SLC7A14: variants seen among roughly 807,000 people sequenced by gnomAD.
SLC7A14 encodes the protein solute carrier family 7 member 14, also known as gamma-aminobutyric acid transporter SLC7A14.
Under a neutral mutation model 60.2 loss-of-function variants are expected in SLC7A14, and 37 were observed. The observed-to-expected ratio is 0.61, with a 90% confidence interval of 0.47 to 0.81. The LOEUF is 0.81. SLC7A14 is among the 30% of genes least tolerant of loss of function. SLC7A14 has a pLI of 0.00. For synonymous variants in SLC7A14, 399 were observed against 395.8 expected, an observed-to-expected ratio of 1.01 and a Z score of -0.10; for missense variants, 886 against 982.7, an observed-to-expected ratio of 0.90 and a Z score of 1.32.
rs144337859 is a variant in SLC7A14 at position 170,463,485 on chromosome 3, A to G, written c.*3570T>C. On this transcript the variant is annotated 3_prime_UTR_variant, in exon 8 of 8. Transcript: ENST00000231706. ...CGTCATCTCACCTGACACATTCACT[A>G]TTGTTCTTTATTTATATATCCCATT... 4.6e-5 allele frequency: 7 copies of G among 152,122 alleles called. No homozygotes were observed. The East Asian group carries it at 7.7e-4, about 17-fold the overall frequency. The allele number at this position is 152,122 out of a possible 1,614,324, so 9.4% of individuals were successfully genotyped here.
intron 2 of SLC7A14, among the ~76,000 whole-genome samples, chr3:170,520,059 TG>T (rs901401912): frequency 6.6e-6 from 1 of 152,214 alleles, no homozygotes; most frequent in Non-Finnish European, 1.5e-5. Flanking sequence ...TTTGGTGTTT[TG>T]TTGTCTGCAA....
At chr3:170,511,663 A>G (rs1013047378) in intron 2 of SLC7A14, among the ~76,000 whole-genome samples, 1 of 152,234 alleles carries the variant, frequency 6.6e-6, no homozygotes, top group Admixed American at 6.5e-5. Context: ...TGGAGTATTT[A>G]TACAGGAGCC....
At chr3:170,488,086 A>G (rs779366876) in intron 4 of SLC7A14, among the ~76,000 whole-genome samples, 4 of 152,238 alleles carry the variant, frequency 2.6e-5, no homozygotes, top group Non-Finnish European at 4.4e-5. Context: ...AAAATTAAAA[A>G]TACTTAATAC....
intron 1 of SLC7A14, among the ~76,000 whole-genome samples, chr3:170,558,081 A>G (rs564628846): frequency 2.5e-4 from 38 of 152,228 alleles, no homozygotes; most frequent in South Asian, 1.5e-3. Flanking sequence ...GTTAAAGTCA[A>G]TGGAGGCTGG....
chr3:170,570,827 T>A (rs1248351146), intron 1 of SLC7A14, among the ~76,000 whole-genome samples: 1 of 152,146 alleles, frequency 6.6e-6, no homozygotes, highest in East Asian at 1.9e-4. Context: ...TTCCCATACT[T>A]TTTTTCCAAA....
chr3:170,469,701 T>C (rs1422557785), intron 7 of SLC7A14, among the ~76,000 whole-genome samples: 1 of 152,178 alleles, frequency 6.6e-6, no homozygotes, highest in Non-Finnish European at 1.5e-5. Context: ...TTGCCATCTT[T>C]TCTTCTAGAC....
At chr3:170,572,072 A>AG (rs1167908541) in intron 1 of SLC7A14, among the ~76,000 whole-genome samples, 3 of 150,338 alleles carry the variant, frequency 2.0e-5, no homozygotes, top group African/African-American at 7.5e-5. Flanking sequence ...AAAAAAAAAA[A>AG]AAAAAAAAAG....
chr3:170,545,758 G>A (rs560028641), intron 1 of SLC7A14, among the ~76,000 whole-genome samples: 47 of 152,258 alleles, frequency 3.1e-4, no homozygotes, highest in Non-Finnish European at 5.6e-4. Context: ...TTTTCAATTA[G>A]GTTCACATTA....
intron 1 of SLC7A14, chr3:170,570,567 AATG>A (rs1183696406): frequency 6.6e-6 from 1 of 152,180 alleles, no homozygotes; most frequent in Admixed American, 6.5e-5. Flanking sequence ...TTAATGGCTT[AATG>A]ATGATATCTC....
chr3:170,552,913 T>G (rs1354968870), intron 1 of SLC7A14, among the ~76,000 whole-genome samples: 2 of 152,204 alleles, frequency 1.3e-5, no homozygotes, highest in African/African-American at 4.8e-5. Context: ...TTTTCCTACA[T>G]TCCACCTAGC....
chr3:170,481,844 A>C lies in SLC7A14; in HGVS notation c.1116-678T>G, dbSNP rs1333704716. Among the ~76,000 whole-genome samples, 8 of 152,182 alleles carry C rather than the reference A, an allele frequency of 5.3e-5. No individual in the cohort carries two copies. The East Asian group carries it at 1.5e-3, about 29-fold the overall frequency. On this transcript the variant is annotated intron_variant, in intron 6 of 7. Transcript: ENST00000231706. ...GCGTGAAAAAGTGATGGTTGGAGGA[A>C]GTCATGGACCTGCTTGGGGGTCCTC...
intron 1 of SLC7A14, among the ~76,000 whole-genome samples, chr3:170,537,838 G>A (rs942634091): frequency 1.3e-5 from 2 of 152,218 alleles, no homozygotes. Context: ...TTAAAAAGGT[G>A]AATGGAGCAG....
chr3:170,487,849 A>G (rs376177248), intron 4 of SLC7A14, among the ~76,000 whole-genome samples: 7 of 152,270 alleles, frequency 4.6e-5, no homozygotes. Context: ...TTGAATTAGC[A>G]TTTCTTTCAG....
intron 1 of SLC7A14, among the ~76,000 whole-genome samples, chr3:170,540,557 C>T (rs145641673): frequency 6.6e-6 from 1 of 151,896 alleles, no homozygotes; most frequent in Non-Finnish European, 1.5e-5. Flanking sequence ...CCCAGGAGTG[C>T]ACTGTTCATT....
rs1227077134 is a variant in SLC7A14 at position 170,460,077 on chromosome 3, A to G, written c.*6978T>C. On this transcript the variant is annotated 3_prime_UTR_variant, in exon 8 of 8. Coordinates refer to ENST00000231706, the MANE Select transcript of SLC7A14 (RefSeq NM_020949.3). ...TTCTTCATGATACACTACATTGTAC[A>G]GCACACCAATGGGAATTAAAAACCA... 1.3e-5 allele frequency: 2 copies of G among 152,248 alleles called. No individual in the cohort carries two copies. Among genetic ancestry groups the G allele is most frequent in the Non-Finnish European group, 2.9e-5 (2 of 68,044 alleles). 9.4% of individuals were successfully genotyped at this position (152,248 alleles called of 1,614,324 possible). A position where few individuals can be genotyped will look rare whatever the true frequency, so the allele number is the denominator to read the frequency against.
At chr3:170,515,130 C>T (rs562854391) in intron 2 of SLC7A14, among the ~76,000 whole-genome samples, 12 of 151,992 alleles carry the variant, frequency 7.9e-5, no homozygotes, top group East Asian at 5.8e-4. Flanking sequence ...CTGGCCAACA[C>T]GGCGTAACCC....
At chr3:170,553,820 C>T (rs1714414188) in intron 1 of SLC7A14, among the ~76,000 whole-genome samples, 2 of 151,926 alleles carry the variant, frequency 1.3e-5, no homozygotes, top group Admixed American at 1.3e-4. Flanking sequence ...CCCATTGCAG[C>T]TCTGGTGCCC....
intron 2 of SLC7A14, among the ~76,000 whole-genome samples, chr3:170,512,821 G>T (rs560900490): frequency 1.3e-5 from 2 of 151,726 alleles, no homozygotes; most frequent in Non-Finnish European, 1.5e-5. Context: ...CCGCCACTAC[G>T]CCCGGCTAAT....
intron 4 of SLC7A14, among the ~76,000 whole-genome samples, chr3:170,492,910 C>T (rs1407266648): frequency 6.6e-6 from 1 of 152,194 alleles, no homozygotes; most frequent in African/African-American, 2.4e-5. Context: ...TGCCCCAGCT[C>T]TATTAGCAGC....
Sources: gnomAD v4.1 joint callset for allele counts (sites outside exome capture counted in the v4.1 genomes callset) on GRCh38, gnomAD v4.1.1 for gene constraint, MANE v1.5 for transcripts, NCBI Gene and HGNC (gene_info 2026-07-23, HGNC 2026-07-21) for gene names.